CFAP96: variants seen among roughly 807,000 people sequenced by gnomAD.
The protein encoded by CFAP96 is cilia-and flagella-associated protein 96.
the CFAP96 span, among the ~76,000 whole-genome samples, chr4:185,427,094 G>C: frequency 6.6e-6 from 1 of 151,572 alleles, no homozygotes; most frequent in South Asian, 2.1e-4. Context: ...TAAGAAAAAA[G>C]TTAAGTGATG....
the CFAP96 span, among the ~76,000 whole-genome samples, chr4:185,420,866 G>C: frequency 1.3e-5 from 2 of 152,014 alleles, no homozygotes; most frequent in Non-Finnish European, 2.9e-5. Flanking sequence ...TTAATTACTA[G>C]GTAAAAAGTA....
the CFAP96 span, among the ~76,000 whole-genome samples, chr4:185,443,340 A>AT: frequency 2.8e-4 from 8 of 28,478 alleles, no homozygotes; most frequent in African/African-American, 7.5e-4. Flanking sequence ...ATATATATAT[A>AT]TATTTTTTTT....
chr4:185,432,932 T>C, the CFAP96 span, among the ~76,000 whole-genome samples: 128,410 of 151,644 alleles, frequency 0.85, 55,359 homozygotes, highest in East Asian at 0.99. Context: ...GCTCTGTTGC[T>C]CAGGCTGGAG....
At chr4:185,429,854 GC>G in the CFAP96 span, among the ~76,000 whole-genome samples, 164 of 151,882 alleles carry the variant, frequency 1.1e-3, 1 homozygote, top group African/African-American at 3.9e-3. Context: ...GTGGAGTAGG[GC>G]GGGGGAGCTC....
the CFAP96 span, among the ~76,000 whole-genome samples, chr4:185,428,791 C>A: frequency 1.3e-4 from 19 of 151,942 alleles, no homozygotes; most frequent in African/African-American, 3.9e-4. Flanking sequence ...TCCCCATTCC[C>A]TTTATAATTT....
the CFAP96 span, among the ~76,000 whole-genome samples, chr4:185,438,802 C>T: frequency 6.6e-6 from 1 of 152,222 alleles, no homozygotes; most frequent in Admixed American, 6.5e-5. Context: ...GCTGTTTATT[C>T]CCCACTACTG....
chr4:185,447,415 C>T, the CFAP96 span, among the ~76,000 whole-genome samples: 7 of 152,100 alleles, frequency 4.6e-5, no homozygotes, highest in Non-Finnish European at 5.9e-5. Flanking sequence ...CTCCTGACCT[C>T]GTGATCCACC....
the CFAP96 span, among the ~76,000 whole-genome samples, chr4:185,419,226 G>A: frequency 6.6e-6 from 1 of 152,024 alleles, no homozygotes; most frequent in Non-Finnish European, 1.5e-5. Flanking sequence ...CCGCCTCCCG[G>A]GTTCACGCCA....
the CFAP96 span, among the ~76,000 whole-genome samples, chr4:185,413,319 C>T: frequency 3.9e-5 from 6 of 152,046 alleles, no homozygotes; most frequent in African/African-American, 7.2e-5. Context: ...ACCCAGGAGG[C>T]GGAGGTTGCA....
At chr4:185,418,680 C>T in the CFAP96 span, 1 of 1,613,988 alleles carries the variant, frequency 6.2e-7, no homozygotes, top group Non-Finnish European at 8.5e-7. Context: ...ATACACTGAA[C>T]TGTGGCAAAT....
At chr4:185,425,799 C>T in the CFAP96 span, 2 of 1,574,022 alleles carry the variant, frequency 1.3e-6, no homozygotes. Flanking sequence ...CGCTGTGAAG[C>T]CCGCTCGTGG....
At chr4:185,419,048 A>G in the CFAP96 span, among the ~76,000 whole-genome samples, 2 of 152,178 alleles carry the variant, frequency 1.3e-5, no homozygotes, top group Non-Finnish European at 2.9e-5. Flanking sequence ...TCATCACTCC[A>G]AAAAGAAACC....
At chr4:185,441,042 T>A in the CFAP96 span, among the ~76,000 whole-genome samples, 4 of 151,820 alleles carry the variant, frequency 2.6e-5, no homozygotes, top group Admixed American at 2.6e-4. Flanking sequence ...GCTCCGCCTC[T>A]TGAGTTCAAG....
At chr4:185,445,591 A>G in the CFAP96 span, 4 of 1,169,330 alleles carry the variant, frequency 3.4e-6, no homozygotes, top group East Asian at 4.8e-5. Flanking sequence ...CAACATAACT[A>G]TAATGCTTTG....
At chr4:185,432,542 GT>G in the CFAP96 span, among the ~76,000 whole-genome samples, 1 of 152,086 alleles carries the variant, frequency 6.6e-6, no homozygotes, top group African/African-American at 2.4e-5. Context: ...GCCCCTGACT[GT>G]TTTTTCTGCT....
the CFAP96 span, among the ~76,000 whole-genome samples, chr4:185,437,231 A>T: frequency 0.05 from 7,656 of 152,278 alleles, 243 homozygotes; most frequent in South Asian, 0.089. Context: ...GATAAAAACT[A>T]AAATGTGCTA....
At chr4:185,438,733 C>G in the CFAP96 span, among the ~76,000 whole-genome samples, 1 of 152,074 alleles carries the variant, frequency 6.6e-6, no homozygotes, top group Non-Finnish European at 1.5e-5. Flanking sequence ...TGGTTTTTAC[C>G]TTTTCAGTTC....
At chr4:185,415,074 AT>A in the CFAP96 span, 2 of 1,193,834 alleles carry the variant, frequency 1.7e-6, no homozygotes, top group Non-Finnish European at 2.3e-6. Context: ...AATACCTTCC[AT>A]TTAGTGGAAA....
chr4:185,409,811 A>C, the CFAP96 span, among the ~76,000 whole-genome samples: 1 of 152,166 alleles, frequency 6.6e-6, no homozygotes, highest in Non-Finnish European at 1.5e-5. Flanking sequence ...TATATTCTTA[A>C]AAGAGAGGGG....
Sources: allele counts gnomAD v4.1 joint callset (sites outside exome capture counted in the v4.1 genomes callset), GRCh38; gene constraint gnomAD v4.1.1; transcripts MANE v1.5; gene names NCBI Gene and HGNC (gene_info 2026-07-23, HGNC 2026-07-21).